The following LAMA3 variants were observed in gnomAD, a reference collection of about 807,000 sequenced individuals.
LAMA3 encodes laminin subunit alpha 3, also known as laminin subunit alpha-3.
A neutral mutation model predicts 402.0 loss-of-function variants in LAMA3; 281 were observed. The observed-to-expected ratio is 0.70, with a 90% CI of 0.63 to 0.77. LAMA3 has a LOEUF of 0.77. LAMA3 is among the 30% of genes least tolerant of loss of function. LAMA3 has a pLI of 0.00. For missense variants in LAMA3, 3,840 were observed against 4,215.5 expected, an observed-to-expected ratio of 0.91 and a Z score of 2.47; for synonymous variants, 1,431 against 1,558.4, an observed-to-expected ratio of 0.92 and a Z score of 1.93.
rs749010147 is a variant in LAMA3 at position 23,822,337 on chromosome 18, A to G, written c.2390A>G (p.Glu797Gly). Residue 797 changes from glutamate (E) to glycine (G), a missense_variant, in exon 20 of 75, where the codon GAA (glutamate) becomes GGA (glycine). This residue lies in a region of LAMA3 where 2,109 missense variants were observed against 2,376.0 expected (regional missense o/e 0.89). Coordinates refer to ENST00000313654, the MANE Select transcript of LAMA3 (RefSeq NM_198129.4). ...CTGAGATACGTTAACCCTGGAACTG[A>G]AGCAGTATCTGGCCATATAACTATT... ...VILRYVNPGT[E>G]AVSGHITIYP... 20 of 1,613,840 alleles carry G rather than the reference A, an allele frequency of 1.2e-5. No homozygotes were observed. Among genetic ancestry groups the G allele is most frequent in the African/African-American group, 2.7e-5 (2 of 74,936 alleles).
intron 2 of LAMA3, among the ~76,000 whole-genome samples, chr18:23,739,544 A>G (rs1470642573): frequency 6.6e-6 from 1 of 152,258 alleles, no homozygotes; most frequent in African/African-American, 2.4e-5. Context: ...ACTCTGAGTT[A>G]GCCAAGGATG....
At chr18:23,844,620 T>C (rs2063773548) in intron 29 of LAMA3, among the ~76,000 whole-genome samples, 1 of 152,220 alleles carries the variant, frequency 6.6e-6, no homozygotes, top group African/African-American at 2.4e-5. Context: ...CTGTGATTGT[T>C]TTTCATAAAT....
chr18:23,811,762 A>C lies in LAMA3; in HGVS notation c.1741+1259A>C, dbSNP rs550349841. On this transcript the variant is annotated intron_variant, in intron 13 of 74. Coordinates refer to ENST00000313654, the MANE Select transcript of LAMA3 (RefSeq NM_198129.4). ...GAGGGCAGGGTGGCTCATGCTTGTA[A>C]TCCCAGCACTTTGGGAGGCTGAGGC... 7.9e-5 allele frequency among the ~76,000 whole-genome samples: 12 copies of C among 152,252 alleles called. No homozygotes were observed. The East Asian group carries it at 2.1e-3, about 27-fold the overall frequency.
intron 1 of LAMA3, among the ~76,000 whole-genome samples, chr18:23,697,170 C>T (rs117955922): frequency 1.3e-5 from 2 of 152,170 alleles, no homozygotes; most frequent in South Asian, 4.1e-4. Context: ...ACTTCCTGTG[C>T]TAAGCATGCT....
chr18:23,777,943 G>A (rs1358092099), intron 11 of LAMA3, among the ~76,000 whole-genome samples: 1 of 152,256 alleles, frequency 6.6e-6, no homozygotes, highest in East Asian at 1.9e-4. Context: ...AAGGAATGGA[G>A]AGCAAGTCAT....
chr18:23,931,115 C>T lies in LAMA3; in HGVS notation c.8490C>T (p.Ser2830=), dbSNP rs1178186468. The change falls in exon 65 of 75, where the codon AGC becomes AGT. Residue 2830 remains serine, a synonymous_variant. Coordinates refer to ENST00000313654, the MANE Select transcript of LAMA3 (RefSeq NM_198129.4). ...LEDGYIELST[S]DSGGPIFKSP... is the part of the protein sequence containing the mutation. ...ATGGTTACATTGAATTGAGCACCAG[C>T]GATAGCGGCGGCCCAATTTTTAAAT... 3.7e-6 allele frequency: 6 copies of T among 1,613,110 alleles called. No homozygotes were observed. Among genetic ancestry groups the T allele is most frequent in the South Asian group, 3.3e-5 (3 of 91,070 alleles).
At chr18:23,953,873 A>G (rs756024116) in intron 74 of LAMA3, among the ~76,000 whole-genome samples, 3 of 152,080 alleles carry the variant, frequency 2.0e-5, no homozygotes, top group African/African-American at 4.8e-5. Context: ...TTCATTCTTC[A>G]TTGTTTTCTG....
intron 70 of LAMA3, among the ~76,000 whole-genome samples, chr18:23,948,085 T>G (rs2082773348): frequency 6.6e-6 from 1 of 152,218 alleles, no homozygotes. Context: ...GTGCTGGGAT[T>G]ACAGGCGTGA....
At position 23,912,742 on chromosome 18, in the gene LAMA3, C is replaced by G; in HGVS notation, c.7190C>G (p.Ser2397Cys). The G allele has an allele frequency of 2.5e-6, 4 of 1,614,102 alleles. No homozygotes were observed. The highest frequency in any genetic ancestry group is 3.4e-6 in the Non-Finnish European group (4 of 1,179,960). Residue 2397 changes from serine (S) to cysteine (C), a missense_variant, in exon 56 of 75, where the codon TCT becomes TGT. Transcript: ENST00000313654. ...VAVPMRFNGK[S>C]GVEVRLPNDL... ...GTCCCCATGAGGTTCAATGGTAAAT[C>G]TGGAGTCGAAGTCCGACTGCCAAAT... is the stretch of plus-strand genomic sequence containing the variant.
chr18:23,940,110 T>C (rs2082444901), intron 68 of LAMA3, among the ~76,000 whole-genome samples: 1 of 152,048 alleles, frequency 6.6e-6, no homozygotes, highest in African/African-American at 2.4e-5. Context: ...TGGGATTAGA[T>C]GGGCAAGAGG....
At chr18:23,883,230 C>A (rs1416539001) in intron 40 of LAMA3, among the ~76,000 whole-genome samples, 5 of 152,132 alleles carry the variant, frequency 3.3e-5, no homozygotes, top group Non-Finnish European at 7.3e-5. Context: ...AATTTTGGGG[C>A]AGTTCTGAGC....
chr18:23,811,207 C>T (rs996723107), intron 13 of LAMA3, among the ~76,000 whole-genome samples: 5 of 152,128 alleles, frequency 3.3e-5, no homozygotes, highest in African/African-American at 1.2e-4. Context: ...AATGAGATGT[C>T]CACAAATTTC....
chr18:23,826,786 C>A lies in LAMA3; in HGVS notation c.2656C>A (p.Pro886Thr). Residue 886 changes from proline to threonine, a missense_variant, in exon 22 of 75, where the codon CCT becomes ACT. Physicochemically the swap from Pro to Thr is conservative, Grantham distance 38 (BLOSUM62 -1). Around this residue, in one of 3 missense-constraint regions of LAMA3, gnomAD observed 2,109 missense variants for 2,376.0 expected, o/e 0.89. Transcript: ENST00000313654. ...CACAGAACCATGTGCCTACGCAGGA[C>A]CTCCCCAAGAAAAGTCAGTGTGGGG... Reference protein sequence around the residue: ...PVTEPCAYAGPPQENCLLYQH... With the variant: ...PVTEPCAYAGTPQENCLLYQH... 3 of 1,560,768 alleles carry A rather than the reference C, an allele frequency of 1.9e-6. No individual in the cohort carries two copies. Among genetic ancestry groups the A allele is most frequent in the Non-Finnish European group, 2.6e-6 (3 of 1,150,766 alleles).
intron 1 of LAMA3, among the ~76,000 whole-genome samples, chr18:23,700,291 G>A (rs1235500784): frequency 6.6e-6 from 1 of 151,972 alleles, no homozygotes; most frequent in East Asian, 1.9e-4. Context: ...GCCTGGATTG[G>A]GCCCCCTTTC....
At chr18:23,737,663 T>C (rs2061497802) in intron 2 of LAMA3, among the ~76,000 whole-genome samples, 1 of 152,160 alleles carries the variant, frequency 6.6e-6, no homozygotes. Flanking sequence ...TCTGGCTGAC[T>C]CTCAGCATCG....
chr18:23,838,823 T>C lies in LAMA3; in HGVS notation c.3136T>C (p.Tyr1046His). 1 of 1,612,366 alleles carries C rather than the reference T, an allele frequency of 6.2e-7. No individual in the cohort carries two copies. Among genetic ancestry groups the C allele is most frequent in the Non-Finnish European group, 8.5e-7 (1 of 1,178,406 alleles). Reference protein sequence around the residue: ...IIPIEEFSAEYVRPQVHCIAS... With the variant: ...IIPIEEFSAEHVRPQVHCIAS... Reference sequence around the variant, plus strand: ...ACCTATTGAAGAATTCTCAGCTGAGTATGTGAGACCACAAGTCCACTGCAT... The same window carrying C: ...ACCTATTGAAGAATTCTCAGCTGAGCATGTGAGACCACAAGTCCACTGCAT... Residue 1046 changes from tyrosine (Y) to histidine (H), a missense_variant, in exon 26 of 75, where the codon TAT becomes CAT. By Grantham distance (83) the Tyr-to-His change is moderately conservative (BLOSUM62 2). This residue lies in a region of LAMA3 where 2,109 missense variants were observed against 2,376.0 expected (regional missense o/e 0.89). Coordinates refer to ENST00000313654, the MANE Select transcript of LAMA3 (RefSeq NM_198129.4).
At chr18:23,787,919 A>G (rs1399971674) in intron 12 of LAMA3, among the ~76,000 whole-genome samples, 1 of 152,182 alleles carries the variant, frequency 6.6e-6, no homozygotes, top group Non-Finnish European at 1.5e-5. Context: ...ATATTTTTAT[A>G]CATTCTTCTC....
intron 44 of LAMA3, 60 bp downstream of exon 44, chr18:23,895,118 T>TCCATAAGC: frequency 6.5e-7 from 1 of 1,533,936 alleles, no homozygotes; most frequent in Non-Finnish European, 8.8e-7. Flanking sequence ...GAGTGGATTC[T>TCCATAAGC]CCATAAGCAG....
At chr18:23,813,645 C>T (rs1047238696) in intron 14 of LAMA3, among the ~76,000 whole-genome samples, 1 of 148,772 alleles carries the variant, frequency 6.7e-6, no homozygotes, top group Non-Finnish European at 1.5e-5. Flanking sequence ...CTGGGTCAAG[C>T]GATTCTTGTG....
Sources: gnomAD v4.1 joint callset for allele counts (sites outside exome capture counted in the v4.1 genomes callset) on GRCh38, gnomAD v4.1.1 for gene constraint, gnomAD v4.1.1 regional missense constraint, MANE v1.5 for transcripts, NCBI Gene and HGNC (gene_info 2026-07-23, HGNC 2026-07-21) for gene names.